The following ZFPM2 variants were observed in gnomAD, a reference collection of about 807,000 sequenced individuals.
ZFPM2 encodes the protein zinc finger protein ZFPM2.
Under a neutral mutation model 98.6 loss-of-function variants are expected in ZFPM2, and 20 were observed. The observed-to-expected ratio is 0.20, with a 90% CI of 0.14 to 0.29. The LOEUF is 0.29. Ranked by LOEUF, ZFPM2 falls within the 10% of genes least tolerant of loss-of-function variation. ZFPM2 has a pLI of 1.00. For missense variants in ZFPM2, 1,310 were observed against 1,388.6 expected (o/e 0.94, Z 0.90); for synonymous variants, 518 against 502.7 (o/e 1.03, Z -0.41).
intron 1 of ZFPM2, among the ~76,000 whole-genome samples, chr8:105,389,576 A>C (rs1003660643): frequency 2.0e-5 from 3 of 152,226 alleles, no homozygotes; most frequent in African/African-American, 7.2e-5. Context: ...ATTACAATGA[A>C]GAGATTGGGA....
chr8:105,699,531 T>C (rs1195502565), intron 5 of ZFPM2, among the ~76,000 whole-genome samples: 2 of 152,162 alleles, frequency 1.3e-5, no homozygotes, highest in African/African-American at 4.8e-5. Flanking sequence ...CTTAATGATA[T>C]AGTTCTTTTG....
intron 4 of ZFPM2, among the ~76,000 whole-genome samples, chr8:105,589,792 C>T (rs986280922): frequency 6.6e-6 from 1 of 152,138 alleles, no homozygotes; most frequent in African/African-American, 2.4e-5. Context: ...AATCTCAGCT[C>T]ACTGCAAGTT....
At chr8:105,677,291 T>C (rs1019423171) in intron 5 of ZFPM2, among the ~76,000 whole-genome samples, 1 of 152,008 alleles carries the variant, frequency 6.6e-6, no homozygotes, top group Non-Finnish European at 1.5e-5. Context: ...CTATGCTAAG[T>C]ACTTTACAAA....
intron 5 of ZFPM2, among the ~76,000 whole-genome samples, chr8:105,767,838 T>C (rs951529440): frequency 1.3e-5 from 2 of 151,918 alleles, no homozygotes; most frequent in Non-Finnish European, 2.9e-5. Flanking sequence ...CCAAAATCAT[T>C]CAAGGGTTTC....
At chr8:105,667,080 G>C (rs761694348) in intron 5 of ZFPM2, among the ~76,000 whole-genome samples, 1 of 152,268 alleles carries the variant, frequency 6.6e-6, no homozygotes, top group Middle Eastern at 3.4e-3. Flanking sequence ...CATACAAATT[G>C]TGTTTTTCAG....
At chr8:105,363,464 A>G (rs1810446717) in intron 1 of ZFPM2, among the ~76,000 whole-genome samples, 1 of 152,138 alleles carries the variant, frequency 6.6e-6, no homozygotes, top group Non-Finnish European at 1.5e-5. Context: ...GAAGAAAACT[A>G]ACATGTATTA....
intron 2 of ZFPM2, 104 bp downstream of exon 2, chr8:105,419,406 C>A: frequency 7.2e-7 from 1 of 1,380,088 alleles, no homozygotes; most frequent in Non-Finnish European, 9.8e-7. Context: ...CATAATTCAG[C>A]CGTCTGAAAA....
At chr8:105,405,489 C>T (rs1811430878) in intron 1 of ZFPM2, among the ~76,000 whole-genome samples, 1 of 143,988 alleles carries the variant, frequency 6.9e-6, no homozygotes, top group South Asian at 2.3e-4. Flanking sequence ...TCCATGTGGT[C>T]TCATTGTTCA....
intron 4 of ZFPM2, among the ~76,000 whole-genome samples, chr8:105,564,653 C>G (rs753197320): frequency 1.4e-4 from 22 of 152,070 alleles, no homozygotes; most frequent in Middle Eastern, 3.4e-3. Flanking sequence ...CGAGAGTCTG[C>G]TTTTTTAAAG....
At chr8:105,438,998 A>G (rs1364888884) in intron 2 of ZFPM2, among the ~76,000 whole-genome samples, 2 of 150,686 alleles carry the variant, frequency 1.3e-5, no homozygotes, top group African/African-American at 4.9e-5. Flanking sequence ...ACTAGATTAT[A>G]TGGTCCTCAA....
At chr8:105,534,020 TTCCCTTC>T (rs1563704314) in intron 3 of ZFPM2, among the ~76,000 whole-genome samples, 8 of 14,468 alleles carry the variant, frequency 5.5e-4, no homozygotes, top group East Asian at 4.2e-3. Flanking sequence ...TCCTCCCTTC[TTCCCTTC>T]CTCCCTCCCT....
chr8:105,465,299 G>T (rs1445736157), intron 3 of ZFPM2, among the ~76,000 whole-genome samples: 1 of 151,882 alleles, frequency 6.6e-6, no homozygotes, highest in Non-Finnish European at 1.5e-5. Flanking sequence ...ATTGAAATTA[G>T]TTCTAAAATG....
At chr8:105,398,199 T>C (rs577145036) in intron 1 of ZFPM2, among the ~76,000 whole-genome samples, 2 of 152,312 alleles carry the variant, frequency 1.3e-5, no homozygotes, top group African/African-American at 4.8e-5. Flanking sequence ...TTTGGTTTTA[T>C]AATCTAAAGT....
At chr8:105,675,571 G>T (rs1354605191) in intron 5 of ZFPM2, among the ~76,000 whole-genome samples, 2 of 152,268 alleles carry the variant, frequency 1.3e-5, no homozygotes, top group African/African-American at 4.8e-5. Context: ...GGGCCAGAAC[G>T]TGGAGTTGAG....
At chr8:105,389,013 CGTGTGTGTGTGTGTGT>C (rs142145699) in intron 1 of ZFPM2, among the ~76,000 whole-genome samples, 31 of 134,904 alleles carry the variant, frequency 2.3e-4, no homozygotes, top group Non-Finnish European at 4.0e-4. Flanking sequence ...AATTTGATGA[CGTGTGTGTGTGTGTGT>C]GTGTGTGTGT....
At chr8:105,777,101 A>G (rs1329642568) in intron 5 of ZFPM2, among the ~76,000 whole-genome samples, 4 of 152,134 alleles carry the variant, frequency 2.6e-5, no homozygotes, top group Non-Finnish European at 1.5e-5. Context: ...GGGTTGACAT[A>G]AGCTTATGGA....
intron 5 of ZFPM2, among the ~76,000 whole-genome samples, chr8:105,698,072 C>A (rs561796442): frequency 6.6e-6 from 1 of 152,160 alleles, no homozygotes; most frequent in Non-Finnish European, 1.5e-5. Flanking sequence ...TCTCTCATGT[C>A]TTTCACAATG....
chr8:105,555,524 A>G (rs760547863), intron 3 of ZFPM2, among the ~76,000 whole-genome samples: 1 of 152,124 alleles, frequency 6.6e-6, no homozygotes, highest in African/African-American at 2.4e-5. Context: ...TTTTCATCCC[A>G]TCAATTGTGT....
intron 2 of ZFPM2, among the ~76,000 whole-genome samples, chr8:105,444,049 T>G (rs1031051143): frequency 6.6e-6 from 1 of 152,202 alleles, no homozygotes; most frequent in African/African-American, 2.4e-5. Flanking sequence ...GGAAATGTTT[T>G]TATGTTTATA....
Sources: allele counts gnomAD v4.1 joint callset (sites outside exome capture counted in the v4.1 genomes callset), GRCh38; gene constraint gnomAD v4.1.1; transcripts MANE v1.5; gene names NCBI Gene and HGNC (gene_info 2026-07-23, HGNC 2026-07-21).